The following CNDP2 variants were observed in gnomAD, a reference collection of about 807,000 sequenced individuals.
CNDP2 encodes carnosine dipeptidase 2.
CNDP2 carries 38 observed loss-of-function variants against 55.0 expected under a neutral mutation model. That is an observed-to-expected ratio of 0.69 (90% confidence interval 0.53 to 0.90). The LOEUF (loss-of-function observed/expected upper bound fraction) is 0.90. Ranked by LOEUF, CNDP2 falls within the 40% of genes least tolerant of loss-of-function variation. The probability of loss-of-function intolerance (pLI) is 0.00; values close to 1 mark genes in which losing one functional copy is unlikely to be tolerated. For synonymous variants in CNDP2, 241 were observed against 260.2 expected (o/e 0.93, Z 0.71); for missense variants, 607 against 621.7 (o/e 0.98, Z 0.25).
At position 74,522,572 on chromosome 18, in the gene CNDP2, G is replaced by C. The variant is rs961208113; in HGVS notation, c.*2504G>C. On this transcript the variant is annotated 3_prime_UTR_variant, in exon 12 of 12. Coordinates refer to ENST00000324262, the MANE Select transcript of CNDP2 (RefSeq NM_018235.3). ...ATGAGGGCCCTGTCCTCCTGACTGA[G>C]TGAATGCTGTTATTGTAGGAGTGGG... is the stretch of plus-strand genomic sequence containing the variant. The C allele has an allele frequency of 2.0e-5, 3 of 152,336 alleles. No individual in the cohort carries two copies. The highest frequency in any genetic ancestry group is 3.8e-4 in the East Asian group (2 of 5,200). 9.4% of individuals were successfully genotyped at this position (152,336 alleles called of 1,614,324 possible). A position where few individuals can be genotyped will look rare whatever the true frequency, so the allele number is the denominator to read the frequency against.
rs1302321442 is a variant in CNDP2, at chr18:74,519,075, C to T, written c.1337C>T (p.Ser446Phe). ...PVGSADDGAH[S>F]QNEKLNRYNY... ...GGGTCAGCGGATGACGGAGCCCACT[C>T]CCAGAATGAAAAGCTCAACAGGTGA... The change falls in exon 11 of 12, where the codon TCC becomes TTC. Residue 446 changes from serine to phenylalanine, a missense_variant. Transcript: ENST00000324262. 1.9e-6 allele frequency: 3 copies of T among 1,610,154 alleles called. No homozygotes were observed. The South Asian group carries it at 3.3e-5, about 18-fold the overall frequency.
intron 2 of CNDP2, chr18:74,501,087 T>G: frequency 1.1e-6 from 1 of 898,712 alleles, no homozygotes; most frequent in East Asian, 4.7e-5. Context: ...TTTTTTTTTG[T>G]TTGTTTTTAA....
At chr18:74,518,829 C>A in intron 10 of CNDP2, 120 bp from the exon 11 acceptor site, 2 of 1,477,908 alleles carry the variant, frequency 1.4e-6, no homozygotes, top group Non-Finnish European at 1.9e-6. Flanking sequence ...TGAACGCGGG[C>A]TTGCTGTCCC....
At chr18:74,511,123 C>A in intron 6 of CNDP2, 110 bp downstream of exon 6, 1 of 912,286 alleles carries the variant, frequency 1.1e-6, no homozygotes, top group Non-Finnish European at 1.6e-6. Flanking sequence ...GAAGGAGAAG[C>A]ACAGGGCTCA....
intron 5 of CNDP2, chr18:74,509,500 G>A (rs936082576): frequency 6.6e-6 from 1 of 152,328 alleles, no homozygotes; most frequent in Non-Finnish European, 1.5e-5. Flanking sequence ...CGGGCATGGT[G>A]GTGGGCACCT....
At chr18:74,496,821 C>T (rs1978440467) in intron 1 of CNDP2, among the ~76,000 whole-genome samples, 1 of 152,192 alleles carries the variant, frequency 6.6e-6, no homozygotes, top group African/African-American at 2.4e-5. Flanking sequence ...AGGCCACACC[C>T]CTCCCCAGGG....
chr18:74,520,317 C>A lies in CNDP2; in HGVS notation c.*249C>A, dbSNP rs1262165026. 2 of 470,306 alleles carry A rather than the reference C, an allele frequency of 4.3e-6. No homozygotes were observed. The highest frequency in any genetic ancestry group is 7.8e-6 in the Non-Finnish European group (2 of 257,780). The allele number at this position is 470,306 out of a possible 1,614,324, so 29.1% of individuals were successfully genotyped here. ...TCTCAGAGTGGTCAGGATGGCTTGACCTGCAGAAGATACCCAAGGTCCAAA... is the reference window on the plus strand; with the variant it reads ...TCTCAGAGTGGTCAGGATGGCTTGAACTGCAGAAGATACCCAAGGTCCAAA... On this transcript the variant is annotated 3_prime_UTR_variant, in exon 12 of 12. Coordinates refer to ENST00000324262, the MANE Select transcript of CNDP2 (RefSeq NM_018235.3).
intron 3 of CNDP2, 32 bp downstream of exon 3, chr18:74,501,504 C>T (rs755509801): frequency 5.9e-5 from 94 of 1,583,994 alleles, no homozygotes; most frequent in Non-Finnish European, 7.8e-5. Flanking sequence ...ATTGCAGGAC[C>T]GTAGACAGAT....
In CNDP2 at chr18:74,520,472, A is replaced by G. The variant is rs1397898671; in HGVS notation, c.*404A>G. On this transcript the variant is annotated 3_prime_UTR_variant, in exon 12 of 12. Coordinates refer to ENST00000324262, the MANE Select transcript of CNDP2 (RefSeq NM_018235.3). ...GAGTCTGAGACAAGCCTAGGCAACAAAACAAGACTCTGTCTCTACAAAAAG... is the reference window on the plus strand; with the variant it reads ...GAGTCTGAGACAAGCCTAGGCAACAGAACAAGACTCTGTCTCTACAAAAAG... The G allele has an allele frequency of 5.2e-6, 1 of 191,436 alleles. No homozygotes were observed. Among genetic ancestry groups the G allele is most frequent in the Admixed American group, 5.8e-5 (1 of 17,230 alleles). 11.9% of individuals were successfully genotyped at this position (191,436 alleles called of 1,614,324 possible).
rs112003253 is a variant in CNDP2, at chr18:74,506,279, C to T, written c.367+268C>T. Reference sequence around the variant, plus strand: ...CCTCCCCAGTAGCTGGGATTACGGGCGCCCATCACCACGCCTGGCTAGTTT... The same window carrying T: ...CCTCCCCAGTAGCTGGGATTACGGGTGCCCATCACCACGCCTGGCTAGTTT... On this transcript the variant is annotated intron_variant, in intron 4 of 11. Coordinates refer to ENST00000324262, the MANE Select transcript of CNDP2 (RefSeq NM_018235.3). Among the ~76,000 whole-genome samples the T allele has an allele frequency of 2.6e-5, 4 of 152,200 alleles. 1 individual carries two copies. The highest frequency in any genetic ancestry group is 7.2e-5 in the African/African-American group (3 of 41,532).
In CNDP2 at chr18:74,518,574, G is replaced by A. The variant is rs755632958; in HGVS notation, c.1144G>A (p.Gly382Arg). The part of the protein sequence containing the change: ...NEFKVYMGHG[G>R]KPWVSDFSHP... Reference sequence around the variant, plus strand: ...GTTCAAGGTGTACATGGGCCACGGTGGGAAGCCCTGGGTCTCCGACTTCAG... The same window carrying A: ...GTTCAAGGTGTACATGGGCCACGGTAGGAAGCCCTGGGTCTCCGACTTCAG... The change falls in exon 10 of 12, where the codon GGG becomes AGG. Residue 382 changes from glycine (G) to arginine (R), a missense_variant. Coordinates refer to ENST00000324262, the MANE Select transcript of CNDP2 (RefSeq NM_018235.3). The A allele has an allele frequency of 9.3e-6, 15 of 1,614,120 alleles. No individual in the cohort carries two copies. Among genetic ancestry groups the A allele is most frequent in the African/African-American group, 2.7e-5 (2 of 74,946 alleles).
chr18:74,498,147 A>G (rs1978507076), intron 1 of CNDP2: 1 of 152,132 alleles, frequency 6.6e-6, no homozygotes, highest in Admixed American at 6.5e-5. Flanking sequence ...TTACAGTCAT[A>G]TGTTGCTTAA....
At chr18:74,513,237 CT>C (rs1383192385) in intron 7 of CNDP2, among the ~76,000 whole-genome samples, 2 of 152,262 alleles carry the variant, frequency 1.3e-5, no homozygotes, top group African/African-American at 4.8e-5. Flanking sequence ...GGACAATTTC[CT>C]TTCCCCACTT....
rs191549261 is a variant in CNDP2 at position 74,514,347 on chromosome 18, C to A, written c.903+628C>A. 7.2e-5 allele frequency among the ~76,000 whole-genome samples: 11 copies of A among 151,744 alleles called. No homozygotes were observed. The East Asian group carries it at 1.9e-3, about 27-fold the overall frequency. ...TTATGTGGTATGGATGTAAGTTCTG[C>A]AGGCTGTAGGTTTATGCGGTACAGA... On this transcript the variant is annotated intron_variant, in intron 8 of 11. Transcript: ENST00000324262.
chr18:74,500,453 A>G (rs1978629185), intron 2 of CNDP2, among the ~76,000 whole-genome samples: 1 of 152,256 alleles, frequency 6.6e-6, no homozygotes, highest in Admixed American at 6.5e-5. Flanking sequence ...TATACTTTAG[A>G]AAATTTGGCC....
intron 4 of CNDP2, among the ~76,000 whole-genome samples, chr18:74,506,886 G>A (rs1979058625): frequency 1.3e-5 from 2 of 152,184 alleles, no homozygotes; most frequent in African/African-American, 4.8e-5. Flanking sequence ...CTGCACGGGA[G>A]GCTTTGACCA....
chr18:74,511,032 C>A lies in CNDP2; in HGVS notation c.657+19C>A. 6.2e-7 allele frequency: 1 copy of A among 1,601,116 alleles called. No homozygotes were observed. Among genetic ancestry groups the A allele is most frequent in the Non-Finnish European group, 8.5e-7 (1 of 1,171,778 alleles). ...CATCGAGGTACAGTGCCAAGCTGTA[C>A]GGGTCACTTCTTTCTAACCCCTGAA... On this transcript the variant is annotated intron_variant, in intron 6 of 11. Coordinates refer to ENST00000324262, the MANE Select transcript of CNDP2 (RefSeq NM_018235.3).
intron 2 of CNDP2, among the ~76,000 whole-genome samples, chr18:74,500,843 T>C (rs1978651130): frequency 6.6e-6 from 1 of 152,196 alleles, no homozygotes; most frequent in Non-Finnish European, 1.5e-5. Flanking sequence ...AGGGTCGTGA[T>C]TGATTTGAGC....
chr18:74,498,550 G>C (rs746790577), intron 1 of CNDP2, among the ~76,000 whole-genome samples: 1 of 152,148 alleles, frequency 6.6e-6, no homozygotes, highest in African/African-American at 2.4e-5. Flanking sequence ...CAGTGAGCTT[G>C]GGATTTGTGG....
Sources: gnomAD v4.1 joint callset for allele counts (sites outside exome capture counted in the v4.1 genomes callset) on GRCh38, gnomAD v4.1.1 for gene constraint, MANE v1.5 for transcripts, NCBI Gene and HGNC (gene_info 2026-07-23, HGNC 2026-07-21) for gene names.